Variants in APOOL observed in about 807,000 individuals in gnomAD.
APOOL encodes apolipoprotein O like.
Under a neutral mutation model 23.1 loss-of-function variants are expected in APOOL, and 12 were observed. That is an observed-to-expected ratio of 0.52 (90% CI 0.33 to 0.84). The LOEUF is 0.84. Among genes scored for constraint, APOOL ranks in the 40% least tolerant of loss-of-function variants. The probability of loss-of-function intolerance (pLI) is 0.02; values close to 1 mark genes in which losing one functional copy is unlikely to be tolerated. For missense variants in APOOL, 212 were observed against 199.6 expected (o/e 1.06, Z -0.37); for synonymous variants, 77 against 69.9 (o/e 1.10, Z -0.51).
At chrX:85,041,517 G>C (rs899578261) in intron 1 of APOOL, among the ~76,000 whole-genome samples, 1 of 111,709 alleles carries the variant, frequency 9.0e-6, no homozygotes, top group Non-Finnish European at 1.9e-5. Flanking sequence ...AAAGCCTGCA[G>C]TCCGTCCATT....
chrX:85,078,683 G>A lies in APOOL; in HGVS notation c.718+4292G>A, dbSNP rs1275182355. On this transcript the variant is annotated intron_variant, in intron 8 of 8. Coordinates refer to ENST00000373173, the MANE Select transcript of APOOL (RefSeq NM_198450.6). Reference sequence around the variant, plus strand: ...TTGAATCTATAAATTACCTTGGGCAGTATGGCCATTTTCACAATATTGATT... The same window carrying A: ...TTGAATCTATAAATTACCTTGGGCAATATGGCCATTTTCACAATATTGATT... 4.5e-5 allele frequency among the ~76,000 whole-genome samples: 5 copies of A among 111,389 alleles called. No individual in the cohort carries two copies. In the East Asian group the frequency reaches 1.1e-3, roughly 25 times the overall value.
At chrX:85,011,426 A>G in intron 1 of APOOL, among the ~76,000 whole-genome samples, 1 of 112,008 alleles carries the variant, frequency 8.9e-6, no homozygotes. Flanking sequence ...GCCAATGTCT[A>G]GAAGAGTTTT....
chrX:85,084,134 CTT>C (rs35647720), intron 8 of APOOL, among the ~76,000 whole-genome samples: 3,229 of 83,626 alleles, frequency 0.039, 131 homozygotes, highest in African/African-American at 0.14. Context: ...TGAGATGAAG[CTT>C]TTTTTTTTTT....
At chrX:85,009,636 CT>C (rs1298255260) in intron 1 of APOOL, among the ~76,000 whole-genome samples, 9 of 108,878 alleles carry the variant, frequency 8.3e-5, no homozygotes, top group African/African-American at 1.3e-4. Context: ...TATTTATTTA[CT>C]TTTTTTTTCA....
chrX:85,021,198 C>G (rs1921652360), intron 1 of APOOL, among the ~76,000 whole-genome samples: 1 of 110,397 alleles, frequency 9.1e-6, no homozygotes, highest in Non-Finnish European at 1.9e-5. Context: ...AGTGGATTGA[C>G]CTCAATGGAC....
Position 85,087,703 on chromosome X carries a change from C to A in APOOL, c.*25C>A. ...AAGTAGACTGCATGCAGAGACTACA[C>A]AGAAAACTACAAGATGTGTGGCGTT... On this transcript the variant is annotated 3_prime_UTR_variant, in exon 9 of 9. Transcript: ENST00000373173. 9.1e-7 allele frequency: 1 copy of A among 1,098,432 alleles called. No individual in the cohort carries two copies. The highest frequency in any genetic ancestry group is 1.2e-6 in the Non-Finnish European group (1 of 819,089). 90.5% of individuals were successfully genotyped at this position (1,098,432 alleles called of 1,213,427 possible).
At chrX:85,006,558 A>T (rs1438788057) in intron 1 of APOOL, among the ~76,000 whole-genome samples, 1 of 97,566 alleles carries the variant, frequency 1.0e-5, no homozygotes, top group East Asian at 3.0e-4. Context: ...TCTTTTAATT[A>T]AAAAAAAAAA....
Position 85,092,658 on chromosome X carries a change from T to C in APOOL, c.*4980T>C. 1 of 761,989 alleles carries C rather than the reference T, an allele frequency of 1.3e-6. No individual in the cohort carries two copies. Among genetic ancestry groups the C allele is most frequent in the Non-Finnish European group, 1.8e-6 (1 of 543,540 alleles). The allele number at this position is 761,989 out of a possible 1,213,427, so 62.8% of individuals were successfully genotyped here. A position where few individuals can be genotyped will look rare whatever the true frequency, so the allele number is the denominator to read the frequency against. ...TGAAGGTCTACTCTATGCAAGACACTATGTGTGAATAATACTTCCAAATAT... is the reference window on the plus strand; with the variant it reads ...TGAAGGTCTACTCTATGCAAGACACCATGTGTGAATAATACTTCCAAATAT... On this transcript the variant is annotated 3_prime_UTR_variant, in exon 9 of 9. Coordinates refer to ENST00000373173, the MANE Select transcript of APOOL (RefSeq NM_198450.6).
At position 85,089,906 on chromosome X, in the gene APOOL, A is replaced by G. The variant is rs1924474837; in HGVS notation, c.*2228A>G. 1 of 107,961 alleles carries G rather than the reference A, an allele frequency of 9.3e-6. No individual in the cohort carries two copies. Among genetic ancestry groups the G allele is most frequent in the Admixed American group, 1.0e-4 (1 of 9,901 alleles). 8.9% of individuals were successfully genotyped at this position (107,961 alleles called of 1,213,427 possible). On this transcript the variant is annotated 3_prime_UTR_variant, in exon 9 of 9. Transcript: ENST00000373173. ...CAATCTTGCTGTCTCTCATTTCAGAATATGTTCTGCTTGCAGGTGACAGTA... is the reference window on the plus strand; with the variant it reads ...CAATCTTGCTGTCTCTCATTTCAGAGTATGTTCTGCTTGCAGGTGACAGTA...
At chrX:85,086,428 C>T (rs748066366) in intron 8 of APOOL, among the ~76,000 whole-genome samples, 1 of 111,807 alleles carries the variant, frequency 8.9e-6, no homozygotes, top group African/African-American at 3.2e-5. Context: ...CTGCTTCTCC[C>T]ACATTTTCCC....
rs190404052 is a variant in APOOL at position 85,043,467 on chromosome X, A to C, written c.16-2979A>C. The stretch of plus-strand genomic sequence containing the variant: ...AAATGTTTTAGGCTTTGCAGCATGC[A>C]TAAGATTTCTTGTCATATATTCTTC... On this transcript the variant is annotated intron_variant, in intron 1 of 8. Coordinates refer to ENST00000373173, the MANE Select transcript of APOOL (RefSeq NM_198450.6). Among the ~76,000 whole-genome samples, 14 of 109,091 alleles carry C rather than the reference A, an allele frequency of 1.3e-4. No individual in the cohort carries two copies. In the East Asian group the frequency reaches 2.0e-3, roughly 16 times the overall value. 94.7% of individuals were successfully genotyped at this position (109,091 alleles called of 115,157 possible). A position where few individuals can be genotyped will look rare whatever the true frequency, so the allele number is the denominator to read the frequency against.
chrX:85,057,695 A>G (rs1923028165), intron 5 of APOOL, among the ~76,000 whole-genome samples: 1 of 107,985 alleles, frequency 9.3e-6, no homozygotes, highest in Non-Finnish European at 1.9e-5. Context: ...GATGATATAT[A>G]TATATATCTC....
chrX:85,054,388 A>T lies in APOOL; in HGVS notation c.285A>T (p.Gln95His). The stretch of plus-strand genomic sequence containing the variant: ...AAAATGGGATAATGGATACAGTACA[A>T]TTTGGAAAAGGTAGGTGAGTAGATA... The part of the protein sequence containing the change: ...FVKNGIMDTV[Q>H]FGKDAYVYLK... The change falls in exon 4 of 9, where the codon CAA (glutamine) becomes CAT (histidine). Residue 95 changes from glutamine to histidine, a missense_variant. Gln to His is a conservative substitution (Grantham distance 24). Transcript: ENST00000373173. 1 of 1,186,857 alleles carries T rather than the reference A, an allele frequency of 8.4e-7. No individual in the cohort carries two copies. Among genetic ancestry groups the T allele is most frequent in the Non-Finnish European group, 1.1e-6 (1 of 881,337 alleles).
chrX:85,059,705 G>A (rs1327845437), intron 5 of APOOL, among the ~76,000 whole-genome samples: 2 of 110,180 alleles, frequency 1.8e-5, no homozygotes, highest in South Asian at 3.9e-4. Flanking sequence ...CATATCCTTT[G>A]CCCACTTTTT....
rs1177233778 is a variant in APOOL, at chrX:85,045,039, T to G, written c.16-1407T>G. On this transcript the variant is annotated intron_variant, in intron 1 of 8. Transcript: ENST00000373173. The stretch of plus-strand genomic sequence containing the variant: ...AATATAGAGATTTTATTAACAAAAT[T>G]TCCCTGGTTCATGGGGACCATACTT... Among the ~76,000 whole-genome samples the G allele has an allele frequency of 2.7e-5, 3 of 111,866 alleles. No homozygotes were observed. The Admixed American group carries it at 2.9e-4, about 11-fold the overall frequency.
At chrX:85,074,569 A>T (rs1314263198) in intron 8 of APOOL, among the ~76,000 whole-genome samples, 178 bp downstream of exon 8, 1 of 111,392 alleles carries the variant, frequency 9.0e-6, no homozygotes, top group Non-Finnish European at 1.9e-5. Context: ...ATTGCTTTAA[A>T]TTATCACATA....
intron 1 of APOOL, among the ~76,000 whole-genome samples, chrX:85,025,960 A>G (rs1921828333): frequency 8.8e-6 from 1 of 113,139 alleles, no homozygotes; most frequent in South Asian, 3.6e-4. Context: ...TGGCACTGCC[A>G]TAGTGTGTGG....
At chrX:85,049,392 C>A (rs757933818) in intron 2 of APOOL, among the ~76,000 whole-genome samples, 43 of 111,716 alleles carry the variant, frequency 3.8e-4, no homozygotes, top group African/African-American at 1.3e-3. Flanking sequence ...GGTTCTTAAC[C>A]ATTCTGACCC....
chrX:85,019,135 C>T (rs1339342167), intron 1 of APOOL, among the ~76,000 whole-genome samples: 1 of 111,745 alleles, frequency 8.9e-6, no homozygotes, highest in Non-Finnish European at 1.9e-5. Context: ...CACACAACCG[C>T]AGCTGTGGTG....
Sources: gnomAD v4.1 joint callset for allele counts (sites outside exome capture counted in the v4.1 genomes callset) on GRCh38, gnomAD v4.1.1 for gene constraint, MANE v1.5 for transcripts, NCBI Gene and HGNC (gene_info 2026-07-23, HGNC 2026-07-21) for gene names.